The following DNAJB9 variants were observed in gnomAD, a reference collection of about 807,000 sequenced individuals.
DNAJB9 encodes the protein dnaJ homolog subfamily B member 9.
DNAJB9 carries 12 observed loss-of-function variants against 19.2 expected under a neutral mutation model. The ratio of observed to expected loss-of-function variants is 0.62; its 90% confidence interval spans 0.40 to 1.01. DNAJB9 has a LOEUF of 1.01. Among genes scored for constraint, DNAJB9 ranks in the 50% least tolerant of loss-of-function variants. The pLI, the probability that DNAJB9 is intolerant of heterozygous loss-of-function variation, is 0.00. For missense variants in DNAJB9, 272 were observed against 261.1 expected (o/e 1.04, Z -0.29); for synonymous variants, 83 against 84.0 (o/e 0.99, Z 0.07).
At chr7:108,571,376 A>C (rs977060669) in intron 1 of DNAJB9, among the ~76,000 whole-genome samples, 1 of 150,896 alleles carries the variant, frequency 6.6e-6, no homozygotes, top group African/African-American at 2.4e-5. Context: ...TTGGGATCTT[A>C]TATTATTTGG....
rs778748143 is a variant in DNAJB9, at chr7:108,573,377, C to G, written c.*24C>G. ...AGTTCTTATTCTATTCTCACTAAAT[C>G]CAACTGGTTGACTCTTCCTCATTAT... On this transcript the variant is annotated 3_prime_UTR_variant, in exon 3 of 3. Transcript: ENST00000249356. 16 of 1,467,018 alleles carry G rather than the reference C, an allele frequency of 1.1e-5. No homozygotes were observed. The highest frequency in any genetic ancestry group is 1.4e-5 in the Non-Finnish European group (15 of 1,106,458). The allele number at this position is 1,467,018 out of a possible 1,614,324, so 90.9% of individuals were successfully genotyped here. A position where few individuals can be genotyped will look rare whatever the true frequency, so the allele number is the denominator to read the frequency against.
At chr7:108,571,630 G>C (rs1790622154) in intron 1 of DNAJB9, 87 bp from the exon 2 acceptor site, 1 of 1,079,578 alleles carries the variant, frequency 9.3e-7, no homozygotes, top group Non-Finnish European at 1.3e-6. Context: ...TACTGCATTA[G>C]GTTTACCTTG....
Position 108,573,239 on chromosome 7 carries a change from T to G in DNAJB9, c.558T>G (p.Asn186Lys). 1 of 1,614,028 alleles carries G rather than the reference T, an allele frequency of 6.2e-7. No homozygotes were observed. Among genetic ancestry groups the G allele is most frequent in the African/African-American group, 1.3e-5 (1 of 75,050 alleles). The change falls in exon 3 of 3, where the codon AAT becomes AAG. Residue 186 changes from asparagine to lysine, a missense_variant. Coordinates refer to ENST00000249356, the MANE Select transcript of DNAJB9 (RefSeq NM_012328.3). ...CTTTTAGTGGTTTTGACTCTACCAA[T>G]CAGCATACAGTACAGACTGAAAATA... ...MFSFSGFDST[N>K]QHTVQTENRF...
intron 1 of DNAJB9, among the ~76,000 whole-genome samples, chr7:108,571,497 G>A (rs1790619966): frequency 6.6e-6 from 1 of 151,982 alleles, no homozygotes; most frequent in African/African-American, 2.4e-5. Context: ...CAGAGTATTA[G>A]TAGACAGACA....
rs1377271238 is a variant in DNAJB9, at chr7:108,571,781, GAATT to G, written c.60_63del (p.Leu20PhefsTer11). On this transcript the variant is annotated frameshift_variant, in exon 2 of 3. Coordinates refer to ENST00000249356, the MANE Select transcript of DNAJB9 (RefSeq NM_012328.3). LOFTEE classifies it high-confidence loss of function. ...TGCAATCTGCATTTTAATGATAACAGAATTAATTCTGGCCTCAAAAAGCTACTAT... is the reference window on the plus strand; with the variant it reads ...TGCAATCTGCATTTTAATGATAACAGAATTCTGGCCTCAAAAAGCTACTAT... 3.7e-6 allele frequency: 6 copies of G among 1,613,918 alleles called. No homozygotes were observed. In the African/African-American group the frequency reaches 6.7e-5, roughly 18 times the overall value.
At position 108,571,735 on chromosome 7, in the gene DNAJB9, TC is replaced by T. The variant is rs57966866; in HGVS notation, c.13del (p.Gln5SerfsTer11). MAT[P>X]QSIFIFAICI... ...GTTTTAGGATATTAGAAATGGCTAC[TC>T]CCCAGTCAATTTTCATCTTTGCAAT... On this transcript the variant is annotated frameshift_variant, in exon 2 of 3. Transcript: ENST00000249356. LOFTEE classifies it high-confidence loss of function. 6.2e-7 allele frequency: 1 copy of T among 1,613,612 alleles called. No homozygotes were observed. The highest frequency in any genetic ancestry group is 1.7e-5 in the Admixed American group (1 of 59,962).
rs998558009 is a variant in DNAJB9 at position 108,569,974 on chromosome 7, G to C, written c.-140G>C. 1.6e-5 allele frequency: 4 copies of C among 242,958 alleles called. No individual in the cohort carries two copies. In the South Asian group the frequency reaches 1.7e-4, roughly 10 times the overall value. 15.1% of individuals were successfully genotyped at this position (242,958 alleles called of 1,614,324 possible). A position where few individuals can be genotyped will look rare whatever the true frequency, so the allele number is the denominator to read the frequency against. On this transcript the variant is annotated 5_prime_UTR_variant, in exon 1 of 3. Coordinates refer to ENST00000249356, the MANE Select transcript of DNAJB9 (RefSeq NM_012328.3). ...AGGAGCGCTAGGTCGGTGTACGACC[G>C]AGATTAGGGTGCGTGCCAGCTCCGG...
At chr7:108,570,669 G>T (rs558599595) in intron 1 of DNAJB9, among the ~76,000 whole-genome samples, 2 of 152,258 alleles carry the variant, frequency 1.3e-5, no homozygotes, top group East Asian at 3.9e-4. Flanking sequence ...CCGAGAAGTG[G>T]TTCTTGATTC....
chr7:108,571,468 T>C (rs1564014145), intron 1 of DNAJB9, among the ~76,000 whole-genome samples: 1 of 152,190 alleles, frequency 6.6e-6, no homozygotes, highest in Non-Finnish European at 1.5e-5. Context: ...GATAATTTTC[T>C]ATCTCCTCTG....
In DNAJB9 at chr7:108,574,840, T is replaced by A. The variant is rs1297319356; in HGVS notation, c.*1487T>A. 6.6e-6 allele frequency: 1 copy of A among 152,244 alleles called. No homozygotes were observed. 9.4% of individuals were successfully genotyped at this position (152,244 alleles called of 1,614,324 possible). ...TTTGTTTGATAATAATAAAATTAGC[T>A]ATACCTTGAATTTTGGGCTGAGGAT... On this transcript the variant is annotated 3_prime_UTR_variant, in exon 3 of 3. Transcript: ENST00000249356.
rs895056079 is a variant in DNAJB9, at chr7:108,574,511, T to A, written c.*1158T>A. 24 of 152,224 alleles carry A rather than the reference T, an allele frequency of 1.6e-4. No homozygotes were observed. Among genetic ancestry groups the A allele is most frequent in the African/African-American group, 5.5e-4 (23 of 41,466 alleles). The allele number at this position is 152,224 out of a possible 1,614,324, so 9.4% of individuals were successfully genotyped here. On this transcript the variant is annotated 3_prime_UTR_variant, in exon 3 of 3. Coordinates refer to ENST00000249356, the MANE Select transcript of DNAJB9 (RefSeq NM_012328.3). Reference sequence around the variant, plus strand: ...TCACAGGCTATATTCATGAAGTTACTTTTGACCAACCTGAAAACTGATAGG... The same window carrying A: ...TCACAGGCTATATTCATGAAGTTACATTTGACCAACCTGAAAACTGATAGG...
chr7:108,571,288 C>CT (rs566177409), intron 1 of DNAJB9, among the ~76,000 whole-genome samples: 67 of 142,788 alleles, frequency 4.7e-4, no homozygotes, highest in African/African-American at 1.0e-3. Flanking sequence ...GGTGCGCCAC[C>CT]TTTTTTTTTT....
rs1241889425 is a variant in DNAJB9 at position 108,573,764 on chromosome 7, C to T, written c.*411C>T. 1 of 156,566 alleles carries T rather than the reference C, an allele frequency of 6.4e-6. No homozygotes were observed. The highest frequency in any genetic ancestry group is 1.4e-5 in the Non-Finnish European group (1 of 70,772). 9.7% of individuals were successfully genotyped at this position (156,566 alleles called of 1,614,324 possible). A position where few individuals can be genotyped will look rare whatever the true frequency, so the allele number is the denominator to read the frequency against. On this transcript the variant is annotated 3_prime_UTR_variant, in exon 3 of 3. Transcript: ENST00000249356. ...TAATTCAAAGTTGCATGTTCTATGA[C>T]ATCTGTGACTTGCGTTGCAGAGTGT...
intron 1 of DNAJB9, among the ~76,000 whole-genome samples, chr7:108,570,538 G>C (rs985106830): frequency 6.6e-6 from 1 of 152,162 alleles, no homozygotes; most frequent in Non-Finnish European, 1.5e-5. Context: ...CCTTGAGACC[G>C]TGGAATAACG....
intron 1 of DNAJB9, among the ~76,000 whole-genome samples, chr7:108,571,288 C>CTT (rs566177409): frequency 7.0e-6 from 1 of 142,790 alleles, no homozygotes. Context: ...GGTGCGCCAC[C>CTT]TTTTTTTTTT....
rs73713153 is a variant in DNAJB9, at chr7:108,569,984, T to C, written c.-130T>C. 7,703 of 215,916 alleles carry C rather than the reference T, an allele frequency of 0.036. 572 individuals carry two copies. Among genetic ancestry groups the C allele is most frequent in the African/African-American group, 0.16 (7,117 of 43,474 alleles). 13.4% of individuals were successfully genotyped at this position (215,916 alleles called of 1,614,324 possible). A position where few individuals can be genotyped will look rare whatever the true frequency, so the allele number is the denominator to read the frequency against. Reference sequence around the variant, plus strand: ...GGTCGGTGTACGACCGAGATTAGGGTGCGTGCCAGCTCCGGGAGGCCGCGG... The same window carrying C: ...GGTCGGTGTACGACCGAGATTAGGGCGCGTGCCAGCTCCGGGAGGCCGCGG... On this transcript the variant is annotated 5_prime_UTR_variant, in exon 1 of 3. Transcript: ENST00000249356.
chr7:108,571,246 T>C (rs1790615261), intron 1 of DNAJB9, among the ~76,000 whole-genome samples: 1 of 152,232 alleles, frequency 6.6e-6, no homozygotes, highest in South Asian at 2.1e-4. Context: ...AGATTAATAA[T>C]ACTAATTTAG....
rs371758437 is a variant in DNAJB9, at chr7:108,573,381, C to T, written c.*28C>T. On this transcript the variant is annotated 3_prime_UTR_variant, in exon 3 of 3. Transcript: ENST00000249356. ...CTTATTCTATTCTCACTAAATCCAACTGGTTGACTCTTCCTCATTATCTTT... is the reference window on the plus strand; with the variant it reads ...CTTATTCTATTCTCACTAAATCCAATTGGTTGACTCTTCCTCATTATCTTT... 1.4e-6 allele frequency: 2 copies of T among 1,443,086 alleles called. No homozygotes were observed. The highest frequency in any genetic ancestry group is 1.8e-6 in the Non-Finnish European group (2 of 1,089,188). 89.4% of individuals were successfully genotyped at this position (1,443,086 alleles called of 1,614,324 possible).
At position 108,569,941 on chromosome 7, in the gene DNAJB9, G is replaced by A. The variant is rs550505746; in HGVS notation, c.-173G>A. 1.8e-4 allele frequency: 64 copies of A among 351,606 alleles called. No individual in the cohort carries two copies. In the Middle Eastern group the frequency reaches 3.6e-3, roughly 20 times the overall value. The allele number at this position is 351,606 out of a possible 1,614,324, so 21.8% of individuals were successfully genotyped here. A position where few individuals can be genotyped will look rare whatever the true frequency, so the allele number is the denominator to read the frequency against. ...GGCTGAGAGGGGACTGGGCGCCGGC[G>A]GGGAAGGAGGAGCGCTAGGTCGGTG... is the stretch of plus-strand genomic sequence containing the variant. On this transcript the variant is annotated 5_prime_UTR_variant, in exon 1 of 3. Coordinates refer to ENST00000249356, the MANE Select transcript of DNAJB9 (RefSeq NM_012328.3).
Sources: gnomAD v4.1 joint callset for allele counts (sites outside exome capture counted in the v4.1 genomes callset) on GRCh38, gnomAD v4.1.1 for gene constraint, MANE v1.5 for transcripts, NCBI Gene and HGNC (gene_info 2026-07-23, HGNC 2026-07-21) for gene names.